EXOC3L2: variants seen among roughly 807,000 people sequenced by gnomAD.
EXOC3L2 encodes the protein exocyst complex component 3-like protein 2.
EXOC3L2 carries 17 observed loss-of-function variants against 44.4 expected under a neutral mutation model. The ratio of observed to expected loss-of-function variants is 0.38; its 90% CI spans 0.26 to 0.57. The LOEUF (loss-of-function observed/expected upper bound fraction) is 0.57. Among genes scored for constraint, EXOC3L2 ranks in the 20% least tolerant of loss-of-function variants. EXOC3L2 has a pLI of 0.65. For synonymous variants in EXOC3L2, 256 were observed against 253.7 expected, an observed-to-expected ratio of 1.01 and a Z score of -0.09; for missense variants, 541 against 588.4, an observed-to-expected ratio of 0.92 and a Z score of 0.83.
chr19:45,214,570 T>G (rs1969813869), intron 11 of EXOC3L2, among the ~76,000 whole-genome samples: 3 of 152,064 alleles, frequency 2.0e-5, no homozygotes, highest in Admixed American at 2.0e-4. Flanking sequence ...GCTCAAGCAA[T>G]TCTCCTGCCT....
At chr19:45,224,164 C>T (rs961197944) in intron 8 of EXOC3L2, among the ~76,000 whole-genome samples, 1 of 118,320 alleles carries the variant, frequency 8.5e-6, no homozygotes, top group African/African-American at 3.4e-5. Flanking sequence ...GTGGGAGAGC[C>T]AGGAGTGGGG....
chr19:45,244,842 A>C (rs1422947705), intron 1 of EXOC3L2, among the ~76,000 whole-genome samples: 2 of 151,480 alleles, frequency 1.3e-5, no homozygotes, highest in Non-Finnish European at 2.9e-5. Context: ...CCCCAAACAC[A>C]ATCCTGTCAT....
chr19:45,215,740 C>A (rs1379705934), intron 11 of EXOC3L2, among the ~76,000 whole-genome samples: 1 of 152,216 alleles, frequency 6.6e-6, no homozygotes, highest in South Asian at 2.1e-4. Context: ...AGTGCGTGTG[C>A]GCCCGTGTGC....
chr19:45,239,893 C>T (rs1970116950), intron 1 of EXOC3L2, among the ~76,000 whole-genome samples: 1 of 151,908 alleles, frequency 6.6e-6, no homozygotes, highest in African/African-American at 2.4e-5. Flanking sequence ...AGGCTCCCTC[C>T]CAAGATGACA....
intron 8 of EXOC3L2, 50 bp downstream of exon 8, chr19:45,224,728 G>A (rs1016287677): frequency 7.2e-6 from 11 of 1,529,290 alleles, no homozygotes; most frequent in African/African-American, 1.4e-5. Context: ...GGGGGGCAGC[G>A]CTTCCCTGTC....
intron 4 of EXOC3L2, among the ~76,000 whole-genome samples, chr19:45,230,479 A>G (rs2122979834): frequency 6.6e-6 from 1 of 152,120 alleles, no homozygotes; most frequent in African/African-American, 2.4e-5. Context: ...CGGCCTCCCA[A>G]AGTGCTGGGA....
At chr19:45,228,627 C>G (rs1969993301) in intron 4 of EXOC3L2, among the ~76,000 whole-genome samples, 1 of 152,008 alleles carries the variant, frequency 6.6e-6, no homozygotes, top group Non-Finnish European at 1.5e-5. Context: ...CAAAAATTAG[C>G]TGGGCGTGGT....
chr19:45,239,381 C>T (rs1350166707), intron 1 of EXOC3L2, among the ~76,000 whole-genome samples: 2 of 150,870 alleles, frequency 1.3e-5, no homozygotes, highest in African/African-American at 4.9e-5. Flanking sequence ...CCACGCCCGG[C>T]TAACTTTTGT....
At chr19:45,235,615 T>A (rs1470789248) in intron 2 of EXOC3L2, among the ~76,000 whole-genome samples, 2 of 152,162 alleles carry the variant, frequency 1.3e-5, no homozygotes, top group African/African-American at 4.8e-5. Flanking sequence ...GGAAGGCCTC[T>A]GAGGCTGAAG....
At chr19:45,221,644 C>CTTTTT (rs373572170) in intron 8 of EXOC3L2, among the ~76,000 whole-genome samples, 5 of 91,832 alleles carry the variant, frequency 5.4e-5, no homozygotes, top group Admixed American at 1.2e-4. Context: ...CCCAGCAGGG[C>CTTTTT]TTTTTTTTTT....
Position 45,212,844 on chromosome 19 carries a change from C to T in EXOC3L2, c.*225G>A. 4.2e-6 allele frequency: 2 copies of T among 480,294 alleles called. No individual in the cohort carries two copies. The highest frequency in any genetic ancestry group is 7.1e-6 in the Non-Finnish European group (2 of 283,468). The allele number at this position is 480,294 out of a possible 1,614,324, so 29.8% of individuals were successfully genotyped here. A position where few individuals can be genotyped will look rare whatever the true frequency, so the allele number is the denominator to read the frequency against. ...TGAACTCCTGGGCTCAAGCAATCCT[C>T]CGGCCTCAGCCTCCCAAAGTGTTGG... On this transcript the variant is annotated 3_prime_UTR_variant, in exon 12 of 12. Transcript: ENST00000413988.
In EXOC3L2 at chr19:45,228,867, G is replaced by A. The variant is rs184344638; in HGVS notation, c.1270-601C>T. The stretch of plus-strand genomic sequence containing the variant: ...CGGGTGGATCACGAGGTCAGGAGAT[G>A]GAGACCATCCTGGCTAACACGGTGA... On this transcript the variant is annotated intron_variant, in intron 4 of 11. Coordinates refer to ENST00000413988, the MANE Select transcript of EXOC3L2 (RefSeq NM_001382422.1). Among the ~76,000 whole-genome samples the A allele has an allele frequency of 8.2e-3, 1,239 of 150,798 alleles. 7 individuals carry two copies. The highest frequency in any genetic ancestry group is 0.014 in the Non-Finnish European group (926 of 67,716).
chr19:45,227,745 A>C lies in EXOC3L2; in HGVS notation c.1500T>G (p.His500Gln), dbSNP rs1272586098. 4.3e-6 allele frequency: 7 copies of C among 1,612,634 alleles called. No homozygotes were observed. Among genetic ancestry groups the C allele is most frequent in the Non-Finnish European group, 5.9e-6 (7 of 1,179,754 alleles). Residue 500 changes from histidine (H) to glutamine (Q), a missense_variant, in exon 7 of 12, where the codon CAT becomes CAG. Transcript: ENST00000413988. The stretch of plus-strand genomic sequence containing the variant: ...GCATCTCCCGGACTGCTGGGTTCTC[A>C]TGGAATCGCTCCACACGCTGCTGGA... ...QSFQQRVERF[H>Q]ENPAVREMLP... is the part of the protein sequence containing the mutation.
intron 8 of EXOC3L2, among the ~76,000 whole-genome samples, chr19:45,219,654 G>A (rs1443088554): frequency 1.3e-5 from 2 of 152,130 alleles, no homozygotes; most frequent in African/African-American, 4.8e-5. Flanking sequence ...CGAAACTTGT[G>A]AAAGTGGGTG....
In EXOC3L2 at chr19:45,231,869, A is replaced by C. The variant is rs761167246; in HGVS notation, c.1163T>G (p.Val388Gly). 3 of 1,590,194 alleles carry C rather than the reference A, an allele frequency of 1.9e-6. No homozygotes were observed. In the South Asian group the frequency reaches 3.3e-5, roughly 18 times the overall value. The change falls in exon 4 of 12, where the codon GTC (valine) becomes GGC (glycine). Residue 388 changes from valine to glycine, a missense_variant. Transcript: ENST00000413988. The part of the protein sequence containing the change: ...HWHNQVYPRE[V>G]LGLVDMAALE... ...GGCGGCCATGTCCACCAGCCCTAGG[A>C]CCTCTCTGGGGATGGGGGTGAGAGA...
At chr19:45,243,860 C>T (rs1224071270) in intron 1 of EXOC3L2, among the ~76,000 whole-genome samples, 1 of 152,004 alleles carries the variant, frequency 6.6e-6, no homozygotes, top group Non-Finnish European at 1.5e-5. Flanking sequence ...GAACTCCTGA[C>T]CTTGTGATCC....
At chr19:45,227,617 C>T (rs192645355) in intron 7 of EXOC3L2, 45 bp downstream of exon 7, 8 of 1,537,694 alleles carry the variant, frequency 5.2e-6, no homozygotes, top group Middle Eastern at 1.7e-4. Flanking sequence ...GGTCAGCTTC[C>T]ACCTTGGATT....
intron 3 of EXOC3L2, among the ~76,000 whole-genome samples, chr19:45,232,212 G>A (rs1970038969): frequency 6.6e-6 from 1 of 151,990 alleles, no homozygotes; most frequent in Non-Finnish European, 1.5e-5. Context: ...GCCTTACCTG[G>A]CCTTGGAGGC....
intron 7 of EXOC3L2, among the ~76,000 whole-genome samples, chr19:45,227,382 A>G (rs898922471): frequency 6.6e-6 from 1 of 152,140 alleles, no homozygotes; most frequent in Non-Finnish European, 1.5e-5. Flanking sequence ...CGGCCTCCCA[A>G]AGTGCTGGGA....
Sources: allele counts gnomAD v4.1 joint callset (sites outside exome capture counted in the v4.1 genomes callset), GRCh38; gene constraint gnomAD v4.1.1; transcripts MANE v1.5; gene names NCBI Gene and HGNC (gene_info 2026-07-23, HGNC 2026-07-21).